Variants in NEDD4L observed in about 807,000 individuals in gnomAD.
The protein encoded by NEDD4L is E3 ubiquitin-protein ligase NEDD4-like.
NEDD4L carries 54 observed loss-of-function variants against 148.9 expected under a neutral mutation model. The observed-to-expected ratio is 0.36, with a 90% confidence interval of 0.29 to 0.45. The LOEUF is 0.45. Ranked by LOEUF, NEDD4L falls within the 20% of genes least tolerant of loss-of-function variation. The pLI is 1.00. For missense variants in NEDD4L, 856 were observed against 1,233.8 expected (o/e 0.69, Z 4.59); for synonymous variants, 433 against 440.7 (o/e 0.98, Z 0.22).
intron 2 of NEDD4L, among the ~76,000 whole-genome samples, chr18:58,245,149 C>T (rs1007882680): frequency 5.3e-5 from 8 of 152,314 alleles, no homozygotes; most frequent in Admixed American, 5.2e-4. Context: ...TGAACAAAAT[C>T]TGTGTGCGTT....
At chr18:58,340,557 A>T (rs1467199012) in intron 13 of NEDD4L, among the ~76,000 whole-genome samples, 1 of 152,192 alleles carries the variant, frequency 6.6e-6, no homozygotes, top group African/African-American at 2.4e-5. Context: ...CAGAAGCTAC[A>T]GTGTTAGGGT....
chr18:58,309,238 G>A (rs991142671), intron 5 of NEDD4L, among the ~76,000 whole-genome samples: 6 of 152,140 alleles, frequency 3.9e-5, no homozygotes, highest in East Asian at 3.9e-4. Flanking sequence ...TTTAGTCAGC[G>A]AGCCCTCAGC....
chr18:58,107,170 C>T (rs1002656972), intron 1 of NEDD4L, among the ~76,000 whole-genome samples: 7 of 152,140 alleles, frequency 4.6e-5, no homozygotes, highest in Non-Finnish European at 7.4e-5. Flanking sequence ...TAGGCCCACC[C>T]TATTGACCTC....
intron 1 of NEDD4L, chr18:58,047,313 G>A (rs996474092): frequency 2.0e-6 from 2 of 984,374 alleles, no homozygotes; most frequent in Non-Finnish European, 2.4e-6. Flanking sequence ...AAGTAGATTC[G>A]TATTTTGATT....
rs1273713520 is a variant in NEDD4L, at chr18:58,398,167, A to AAT, written c.*1899_*1900insTA. ...TAGATGCTATGTAACTAAAAAAAAA[A>AAT]AAAAAAAAAAAAAAAAAAAAAAAAA... On this transcript the variant is annotated 3_prime_UTR_variant, in exon 31 of 31. Transcript: ENST00000400345. 2 of 134,308 alleles carry AAT rather than the reference A, an allele frequency of 1.5e-5. No homozygotes were observed. Among genetic ancestry groups the AAT allele is most frequent in the African/African-American group, 3.3e-5 (1 of 30,010 alleles). 8.3% of individuals were successfully genotyped at this position (134,308 alleles called of 1,614,324 possible). A position where few individuals can be genotyped will look rare whatever the true frequency, so the allele number is the denominator to read the frequency against.
chr18:58,270,272 A>G (rs2050845458), intron 5 of NEDD4L, among the ~76,000 whole-genome samples: 1 of 152,224 alleles, frequency 6.6e-6, no homozygotes, highest in South Asian at 2.1e-4. Flanking sequence ...GCGAAGTAGT[A>G]AAGAGGAAAA....
At chr18:58,245,598 A>C (rs1003700196) in intron 3 of NEDD4L, 90 bp downstream of exon 3, 55 of 627,792 alleles carry the variant, frequency 8.8e-5, no homozygotes, top group Admixed American at 2.9e-4. Context: ...TTTTTGGTCA[A>C]GGATGGACTA....
At chr18:58,241,742 C>A (rs2046661761) in intron 2 of NEDD4L, among the ~76,000 whole-genome samples, 1 of 151,898 alleles carries the variant, frequency 6.6e-6, no homozygotes, top group African/African-American at 2.4e-5. Context: ...GTTTCTGGAA[C>A]CTGTCTCTTT....
intron 2 of NEDD4L, among the ~76,000 whole-genome samples, chr18:58,196,430 T>G (rs2040698022): frequency 6.6e-6 from 1 of 152,224 alleles, no homozygotes; most frequent in Non-Finnish European, 1.5e-5. Context: ...GATTTTGCTC[T>G]TATATGGATA....
chr18:58,164,687 T>C (rs140630901), intron 1 of NEDD4L, among the ~76,000 whole-genome samples: 2,330 of 152,308 alleles, frequency 0.015, 58 homozygotes, highest in African/African-American at 0.054. Context: ...GCCAGGCTGG[T>C]CTCGAACTCC....
chr18:58,106,181 TC>T (rs1323589276), intron 1 of NEDD4L, among the ~76,000 whole-genome samples: 4 of 152,128 alleles, frequency 2.6e-5, no homozygotes. Flanking sequence ...CTGCCCAGGA[TC>T]CTGGGACACT....
chr18:58,289,452 C>T (rs971290593), intron 5 of NEDD4L, among the ~76,000 whole-genome samples: 7 of 152,106 alleles, frequency 4.6e-5, no homozygotes, highest in African/African-American at 1.4e-4. Context: ...CAAGCTATTC[C>T]GTGTATTGAC....
chr18:58,198,604 G>C (rs2147346807), intron 2 of NEDD4L, among the ~76,000 whole-genome samples: 1 of 152,284 alleles, frequency 6.6e-6, no homozygotes, highest in Middle Eastern at 3.4e-3. Context: ...ACCAAGTTCT[G>C]TCTCATGCTT....
chr18:58,353,433 A>C (rs994779487), intron 18 of NEDD4L, among the ~76,000 whole-genome samples: 1 of 152,272 alleles, frequency 6.6e-6, no homozygotes, highest in Admixed American at 6.5e-5. Context: ...TGTTAAAGAG[A>C]TATAGCATAA....
At chr18:58,261,132 A>G (rs2049317499) in intron 5 of NEDD4L, among the ~76,000 whole-genome samples, 1 of 152,220 alleles carries the variant, frequency 6.6e-6, no homozygotes, top group East Asian at 1.9e-4. Flanking sequence ...GAAATGTTTA[A>G]TAAATAGCTT....
intron 1 of NEDD4L, among the ~76,000 whole-genome samples, chr18:58,061,148 C>T (rs565970088): frequency 5.3e-5 from 8 of 152,294 alleles, no homozygotes; most frequent in South Asian, 2.1e-4. Flanking sequence ...ACATCTTACA[C>T]GGCACAGTAC....
At chr18:58,185,401 G>A (rs888947111) in intron 2 of NEDD4L, among the ~76,000 whole-genome samples, 1 of 152,098 alleles carries the variant, frequency 6.6e-6, no homozygotes, top group Non-Finnish European at 1.5e-5. Flanking sequence ...ACCCCAAACT[G>A]GAGAAGCTAT....
intron 2 of NEDD4L, among the ~76,000 whole-genome samples, chr18:58,204,728 A>C (rs2147510930): frequency 6.6e-6 from 1 of 152,366 alleles, no homozygotes; most frequent in African/African-American, 2.4e-5. Flanking sequence ...ATAGTCCATC[A>C]TGTTCTTCAC....
intron 13 of NEDD4L, among the ~76,000 whole-genome samples, chr18:58,336,686 T>C (rs1348231054): frequency 6.6e-6 from 1 of 152,260 alleles, no homozygotes; most frequent in Non-Finnish European, 1.5e-5. Context: ...TCTAAAGATG[T>C]TGATGACTTC....
Sources: allele counts gnomAD v4.1 joint callset (sites outside exome capture counted in the v4.1 genomes callset), GRCh38; gene constraint gnomAD v4.1.1; transcripts MANE v1.5; gene names NCBI Gene and HGNC (gene_info 2026-07-23, HGNC 2026-07-21).